PLA2G4E: variants seen among roughly 807,000 people sequenced by gnomAD.
The protein encoded by PLA2G4E is cytosolic phospholipase A2 epsilon.
Under a neutral mutation model 109.1 loss-of-function variants are expected in PLA2G4E, and 84 were observed. The ratio of observed to expected loss-of-function variants is 0.77; its 90% CI spans 0.65 to 0.92. PLA2G4E has a LOEUF of 0.92. Ranked by LOEUF, PLA2G4E falls within the 40% of genes least tolerant of loss-of-function variation. The probability of loss-of-function intolerance (pLI) is 0.00; values close to 1 mark genes in which losing one functional copy is unlikely to be tolerated. For synonymous variants in PLA2G4E, 469 were observed against 436.1 expected, an observed-to-expected ratio of 1.08 and a Z score of -0.94; for missense variants, 1,057 against 1,076.6, an observed-to-expected ratio of 0.98 and a Z score of 0.25.
chr15:41,989,443 G>T (rs1047678837), exon 15 of PLA2G4E: 2 of 1,613,914 alleles, frequency 1.2e-6, no homozygotes, highest in South Asian at 2.2e-5. Context: ...GAGACTCCGG[G>T]ATCCTCTTCA....
At chr15:42,018,573 A>G (rs554812381) in intron 1 of PLA2G4E, among the ~76,000 whole-genome samples, 1 of 152,246 alleles carries the variant, frequency 6.6e-6, no homozygotes, top group South Asian at 2.1e-4. Context: ...CAAGGCAGGA[A>G]CTGTTTGGCA....
chr15:42,014,777 A>G (rs1161789779), intron 1 of PLA2G4E, among the ~76,000 whole-genome samples: 1 of 152,088 alleles, frequency 6.6e-6, no homozygotes, highest in Non-Finnish European at 1.5e-5. Flanking sequence ...TGTTTCTCGC[A>G]AGAGGTCCTT....
At chr15:42,036,177 G>A (rs6493019) in intron 1 of PLA2G4E, among the ~76,000 whole-genome samples, 59,302 of 152,066 alleles carry the variant, frequency 0.39, 12,489 homozygotes, top group African/African-American at 0.53. Context: ...GCCATCACCG[G>A]CCGCAGCAGG....
intron 1 of PLA2G4E, among the ~76,000 whole-genome samples, chr15:42,026,541 G>C (rs544879374): frequency 3.3e-5 from 5 of 152,234 alleles, no homozygotes; most frequent in Non-Finnish European, 4.4e-5. Flanking sequence ...ATAATGGCAA[G>C]TGTTGGTGGG....
intron 2 of PLA2G4E, among the ~76,000 whole-genome samples, chr15:42,012,147 C>A (rs2068542813): frequency 6.6e-6 from 1 of 152,078 alleles, no homozygotes; most frequent in Non-Finnish European, 1.5e-5. Flanking sequence ...GGCTCAGGGC[C>A]CTCCCACACT....
chr15:41,983,616 C>T (rs897624088), exon 20 of PLA2G4E: 20 of 740,494 alleles, frequency 2.7e-5, no homozygotes, highest in Admixed American at 8.8e-5. Context: ...TTTTACTTTT[C>T]GTTAGAAAGC....
At chr15:41,999,893 C>G (rs745339588) in intron 9 of PLA2G4E, 24 bp downstream of exon 9, 81 of 1,586,956 alleles carry the variant, frequency 5.1e-5, no homozygotes, top group Middle Eastern at 1.7e-4. Context: ...AAGTCAGGGG[C>G]CCTTCCCAGA....
intron 18 of PLA2G4E, among the ~76,000 whole-genome samples, chr15:41,985,041 C>T (rs899311298): frequency 1.3e-5 from 2 of 152,178 alleles, no homozygotes; most frequent in South Asian, 2.1e-4. Flanking sequence ...AGCATGATGT[C>T]GCAGGAAGAG....
intron 1 of PLA2G4E, among the ~76,000 whole-genome samples, chr15:42,018,924 G>T (rs569869197): frequency 5.9e-5 from 9 of 152,082 alleles, no homozygotes; most frequent in Non-Finnish European, 1.0e-4. Context: ...TGAGGGTGGG[G>T]AACAAAATGT....
chr15:41,996,825 T>G (rs74010950), intron 11 of PLA2G4E, among the ~76,000 whole-genome samples: 2,293 of 152,296 alleles, frequency 0.015, 58 homozygotes, highest in African/African-American at 0.052. Flanking sequence ...TTTTCCTGGC[T>G]GGGGTGAGGA....
intron 1 of PLA2G4E, among the ~76,000 whole-genome samples, chr15:42,020,234 G>A (rs1390113047): frequency 6.6e-6 from 1 of 152,248 alleles, no homozygotes; most frequent in Non-Finnish European, 1.5e-5. Context: ...GAGCCGGGGA[G>A]GTGGCCCTGG....
At chr15:41,987,858 G>T (rs980332752) in intron 16 of PLA2G4E, among the ~76,000 whole-genome samples, 191 bp downstream of exon 16, 1 of 151,620 alleles carries the variant, frequency 6.6e-6, no homozygotes. Context: ...TCCACACCCC[G>T]CCCCCCATCA....
chr15:42,039,459 G>A (rs942042633), intron 1 of PLA2G4E, among the ~76,000 whole-genome samples: 1 of 152,024 alleles, frequency 6.6e-6, no homozygotes, highest in Non-Finnish European at 1.5e-5. Flanking sequence ...ATACTGATTA[G>A]CAGACTGATC....
intron 1 of PLA2G4E, among the ~76,000 whole-genome samples, chr15:42,029,167 T>C (rs1889073130): frequency 1.3e-5 from 2 of 152,302 alleles, no homozygotes; most frequent in South Asian, 4.1e-4. Context: ...TCTCAGCTCA[T>C]TGCAACCTCT....
At chr15:42,019,993 G>A (rs1239889757) in intron 1 of PLA2G4E, among the ~76,000 whole-genome samples, 1 of 152,214 alleles carries the variant, frequency 6.6e-6, no homozygotes, top group African/African-American at 2.4e-5. Flanking sequence ...AAAAAGATTG[G>A]CAGGAACAAT....
chr15:41,990,484 T>C (rs1258621624), intron 13 of PLA2G4E, among the ~76,000 whole-genome samples: 2 of 152,194 alleles, frequency 1.3e-5, no homozygotes, highest in Non-Finnish European at 2.9e-5. Context: ...GGACAGTCTC[T>C]CAGAGTCCCA....
intron 2 of PLA2G4E, 36 bp from the exon 3 acceptor site, chr15:42,007,901 C>A (rs745561999): frequency 6.3e-7 from 1 of 1,574,804 alleles, no homozygotes; most frequent in Non-Finnish European, 8.6e-7. Context: ...AATCCAGGTT[C>A]AGAGAGAACA....
chr15:41,987,617 G>A (rs892749744), intron 16 of PLA2G4E, among the ~76,000 whole-genome samples: 21 of 152,146 alleles, frequency 1.4e-4, no homozygotes, highest in Non-Finnish European at 2.5e-4. Context: ...GCGTCCTGGA[G>A]AGGACAGGGA....
At chr15:42,029,806 G>A (rs954586016) in intron 1 of PLA2G4E, among the ~76,000 whole-genome samples, 107 of 152,154 alleles carry the variant, frequency 7.0e-4, no homozygotes, top group African/African-American at 2.4e-3. Flanking sequence ...AGCACATGAC[G>A]GGCACGTGGC....
Sources: allele counts gnomAD v4.1 joint callset (sites outside exome capture counted in the v4.1 genomes callset), GRCh38; gene constraint gnomAD v4.1.1; transcripts MANE v1.5; gene names NCBI Gene and HGNC (gene_info 2026-07-23, HGNC 2026-07-21).